PIK3R6: variants seen among roughly 807,000 people sequenced by gnomAD.
PIK3R6 encodes the protein phosphoinositide-3-kinase regulatory subunit 6.
In PIK3R6, 91 loss-of-function variants were observed where a neutral mutation model predicts 84.9. The ratio of observed to expected loss-of-function variants is 1.07; its 90% CI spans 0.90 to 1.28. The LOEUF is 1.28. PIK3R6 is among the 50% of genes most tolerant of loss of function. PIK3R6 has a pLI of 0.00. For missense variants in PIK3R6, 996 were observed against 985.1 expected (o/e 1.01, Z -0.15); for synonymous variants, 416 against 411.4 (o/e 1.01, Z -0.13).
At chr17:8,829,489 TACAC>T (rs3859233) in intron 10 of PIK3R6, among the ~76,000 whole-genome samples, 10 of 102,840 alleles carry the variant, frequency 9.7e-5, no homozygotes, top group Admixed American at 2.0e-4. Context: ...CATGCACGCA[TACAC>T]ACACACTGAC....
rs759663691 is a variant in PIK3R6 at position 8,862,626 on chromosome 17, C to T, written c.-92+4903G>A. Among the ~76,000 whole-genome samples, 2 of 152,134 alleles carry T rather than the reference C, an allele frequency of 1.3e-5. No homozygotes were observed. The highest frequency in any genetic ancestry group is 2.9e-5 in the Non-Finnish European group (2 of 68,032). On this transcript the variant is annotated intron_variant, in intron 1 of 19. Transcript: ENST00000619866. The surrounding 1 kb of genome is among the most constrained non-coding windows in gnomAD (Gnocchi z 4.3). ...CTAAGGCTGCAATGTTTGACTGCTG[C>T]TTTTGTGCCACAAGGGCAATGTGCA...
At chr17:8,806,382 G>A (rs974751610) in intron 18 of PIK3R6, among the ~76,000 whole-genome samples, 9 of 152,176 alleles carry the variant, frequency 5.9e-5, no homozygotes, top group Admixed American at 5.9e-4. Context: ...TCCACGCCCT[G>A]CCCATGGACC....
intron 1 of PIK3R6, among the ~76,000 whole-genome samples, chr17:8,850,300 C>CAA (rs753799544): frequency 0.022 from 1,383 of 63,394 alleles, 22 homozygotes; most frequent in African/African-American, 0.07. Flanking sequence ...GAGACTGGCT[C>CAA]AAAAAAAAAA....
chr17:8,829,642 G>A, intron 10 of PIK3R6, 64 bp downstream of exon 10: 6 of 1,455,568 alleles, frequency 4.1e-6, no homozygotes, highest in Admixed American at 4.0e-5. Context: ...ACACACTCAT[G>A]CACGCATACA....
chr17:8,849,747 G>T (rs763460229), intron 2 of PIK3R6, 35 bp downstream of exon 2: 15 of 1,600,266 alleles, frequency 9.4e-6, no homozygotes, highest in Non-Finnish European at 1.3e-5. Context: ...CTCGGCAGCA[G>T]GCTCACTAGA....
intron 1 of PIK3R6, among the ~76,000 whole-genome samples, chr17:8,854,915 C>T (rs193264676): frequency 2.6e-4 from 39 of 152,202 alleles, no homozygotes; most frequent in African/African-American, 8.2e-4. Context: ...AAAAACGGGC[C>T]GGGCACAGTG....
rs144533712 is a variant in PIK3R6 at position 8,836,116 on chromosome 17, G to A, written c.461+431C>T. 3.1e-3 allele frequency among the ~76,000 whole-genome samples: 474 copies of A among 152,282 alleles called. 1 individual carries two copies. The highest frequency in any genetic ancestry group is 0.011 in the African/African-American group (444 of 41,564). On this transcript the variant is annotated intron_variant, in intron 7 of 19. Coordinates refer to ENST00000619866, the MANE Select transcript of PIK3R6 (RefSeq NM_001010855.4). Reference sequence around the variant, plus strand: ...CTCAGTCTTATCTAAGAGGCTTGGCGTCCCCCATGGAAGCCCTCTGGCTTC... The same window carrying A: ...CTCAGTCTTATCTAAGAGGCTTGGCATCCCCCATGGAAGCCCTCTGGCTTC...
rs1311528524 is a variant in PIK3R6 at position 8,840,177 on chromosome 17, AAT to A, written c.14-482_14-481del. ...ATATATATATGAAATATAGCCTCCA[AAT>A]ATATATATGAAATATATATAGCCTC... is the stretch of plus-strand genomic sequence containing the variant. On this transcript the variant is annotated intron_variant, in intron 2 of 19. Transcript: ENST00000619866. Among the ~76,000 whole-genome samples, 6 of 133,554 alleles carry A rather than the reference AAT, an allele frequency of 4.5e-5. No homozygotes were observed. The South Asian group carries it at 6.9e-4, about 15-fold the overall frequency. The allele number at this position is 133,554 out of a possible 152,430, so 87.6% of individuals were successfully genotyped here.
At chr17:8,817,968 C>G (rs994857077) in intron 18 of PIK3R6, among the ~76,000 whole-genome samples, 1 of 145,742 alleles carries the variant, frequency 6.9e-6, no homozygotes, top group African/African-American at 2.5e-5. Context: ...CATGTGTAGG[C>G]TAAGCGGAAG....
intron 1 of PIK3R6, among the ~76,000 whole-genome samples, chr17:8,865,423 C>T (rs150533005): frequency 3.3e-5 from 5 of 152,122 alleles, no homozygotes; most frequent in South Asian, 2.1e-4. Context: ...GCAGAAAAGA[C>T]GGGGAGCTTC....
At chr17:8,808,710 G>A (rs2087272733) in intron 18 of PIK3R6, among the ~76,000 whole-genome samples, 2 of 152,148 alleles carry the variant, frequency 1.3e-5, no homozygotes, top group South Asian at 4.1e-4. Context: ...TTAACAAATG[G>A]AACTAAATCC....
intron 6 of PIK3R6, 71 bp from the exon 7 acceptor site, chr17:8,836,687 G>GGT: frequency 1.9e-6 from 3 of 1,612,882 alleles, no homozygotes; most frequent in Admixed American, 1.7e-5. Flanking sequence ...TCCTACAGAA[G>GGT]GTGTGGAGGC....
intron 8 of PIK3R6, 96 bp downstream of exon 8, chr17:8,835,177 G>A (rs1224712613): frequency 1.5e-5 from 19 of 1,248,584 alleles, no homozygotes; most frequent in South Asian, 7.9e-5. Context: ...AAGGTGATGC[G>A]AAACAGGAGA....
At chr17:8,847,146 G>C (rs1240051772) in intron 2 of PIK3R6, among the ~76,000 whole-genome samples, 2 of 152,104 alleles carry the variant, frequency 1.3e-5, no homozygotes, top group African/African-American at 4.8e-5. Context: ...CTGTGAGTTT[G>C]GCAGGACAAA....
chr17:8,841,863 C>T (rs2151282869), intron 2 of PIK3R6, among the ~76,000 whole-genome samples: 1 of 152,252 alleles, frequency 6.6e-6, no homozygotes. Context: ...TTTGACCCTC[C>T]AAATCTCATA....
intron 1 of PIK3R6, among the ~76,000 whole-genome samples, chr17:8,859,319 A>G (rs1290699963): frequency 2.0e-5 from 3 of 152,128 alleles, no homozygotes; most frequent in Non-Finnish European, 4.4e-5. Context: ...TGCGTGGTCT[A>G]CCAGTCTGTC....
chr17:8,806,449 C>T (rs553443418), intron 18 of PIK3R6, among the ~76,000 whole-genome samples: 4 of 152,298 alleles, frequency 2.6e-5, no homozygotes, highest in African/African-American at 4.8e-5. Context: ...CACCTGCCTG[C>T]GGTGTGGGCA....
chr17:8,832,768 T>TG, intron 9 of PIK3R6, 121 bp downstream of exon 9: 2 of 1,479,236 alleles, frequency 1.4e-6, no homozygotes, highest in Non-Finnish European at 1.8e-6. Context: ...CCCAGGCTCC[T>TG]GGGAGTCGGC....
Position 8,844,935 on chromosome 17 carries a change from G to C in PIK3R6, c.13+4847C>G, listed in dbSNP as rs1241486261. ...GAGAACATGCAGTATTTGGCTTTCT[G>C]TTCCTACATTAATTTGCTTAGTGTA... On this transcript the variant is annotated intron_variant, in intron 2 of 19. Coordinates refer to ENST00000619866, the MANE Select transcript of PIK3R6 (RefSeq NM_001010855.4). This position sits in a 1 kb window ranked among gnomAD's most constrained non-coding sequence, Gnocchi z 4.5. Among the ~76,000 whole-genome samples, 1 of 152,056 alleles carries C rather than the reference G, an allele frequency of 6.6e-6. No individual in the cohort carries two copies. Among genetic ancestry groups the C allele is most frequent in the Non-Finnish European group, 1.5e-5 (1 of 68,028 alleles).
Sources: gnomAD v4.1 joint callset for allele counts (sites outside exome capture counted in the v4.1 genomes callset) on GRCh38, gnomAD v4.1.1 for gene constraint, Gnocchi (gnomAD v3.1) non-coding constraint, MANE v1.5 for transcripts, NCBI Gene and HGNC (gene_info 2026-07-23, HGNC 2026-07-21) for gene names.